The following CNTN4 variants were observed in gnomAD, a reference collection of about 807,000 sequenced individuals.
The protein encoded by CNTN4 is contactin 4.
In CNTN4, 77 loss-of-function variants were observed where a neutral mutation model predicts 122.5. The observed-to-expected ratio is 0.63, with a 90% CI of 0.52 to 0.76. CNTN4 has a LOEUF of 0.76. CNTN4 is among the 30% of genes least tolerant of loss of function. CNTN4 has a pLI of 0.00. For missense variants in CNTN4, 1,256 were observed against 1,259.1 expected, an observed-to-expected ratio of 1.00 and a Z score of 0.04; for synonymous variants, 512 against 447.0, an observed-to-expected ratio of 1.15 and a Z score of -1.83.
chr3:2,434,031 A>T (rs1486968067), intron 3 of CNTN4, among the ~76,000 whole-genome samples: 1 of 152,144 alleles, frequency 6.6e-6, no homozygotes, highest in African/African-American at 2.4e-5. Flanking sequence ...GGAAATGTTG[A>T]TCAAAGGGTG....
At chr3:2,530,097 C>T (rs977992587) in intron 3 of CNTN4, among the ~76,000 whole-genome samples, 1 of 152,114 alleles carries the variant, frequency 6.6e-6, no homozygotes, top group Admixed American at 6.6e-5. Flanking sequence ...TATAGATTTT[C>T]AGAAATCTTG....
At chr3:2,315,457 G>T (rs984419529) in intron 2 of CNTN4, among the ~76,000 whole-genome samples, 2 of 151,936 alleles carry the variant, frequency 1.3e-5, no homozygotes, top group East Asian at 1.9e-4. Context: ...ATCCAGCTTG[G>T]TTATTAATAA....
chr3:2,278,362 C>A (rs530372187), intron 2 of CNTN4, among the ~76,000 whole-genome samples: 3 of 152,186 alleles, frequency 2.0e-5, no homozygotes, highest in African/African-American at 7.2e-5. Flanking sequence ...TGAACCTCAG[C>A]ACATTAGCTG....
chr3:3,054,567 A>G, intron 24 of CNTN4, among the ~76,000 whole-genome samples: 1 of 152,208 alleles, frequency 6.6e-6, no homozygotes, highest in East Asian at 1.9e-4. Context: ...TACAAATACC[A>G]TGTTTGTAAG....
intron 13 of CNTN4, among the ~76,000 whole-genome samples, chr3:2,951,086 A>G (rs983623454): frequency 2.0e-5 from 3 of 152,186 alleles, no homozygotes; most frequent in Non-Finnish European, 2.9e-5. Flanking sequence ...GGGTTATATG[A>G]GGTAACCCAC....
intron 4 of CNTN4, among the ~76,000 whole-genome samples, chr3:2,717,967 G>A (rs2087602480): frequency 6.6e-6 from 1 of 151,968 alleles, no homozygotes; most frequent in Non-Finnish European, 1.5e-5. Flanking sequence ...ATCTCTGTTT[G>A]GAGAAGTGTT....
At chr3:2,422,222 T>C (rs888952237) in intron 3 of CNTN4, among the ~76,000 whole-genome samples, 4 of 152,218 alleles carry the variant, frequency 2.6e-5, no homozygotes, top group African/African-American at 9.6e-5. Context: ...TGTTATCCCC[T>C]GCTCCTTAAC....
intron 6 of CNTN4, among the ~76,000 whole-genome samples, chr3:2,812,175 C>T (rs554517074): frequency 6.6e-6 from 1 of 152,232 alleles, no homozygotes; most frequent in East Asian, 1.9e-4. Flanking sequence ...CTAATGGGTA[C>T]TAGGCTTAAT....
chr3:2,624,627 CTTTTTTTTTTTT>C (rs1175851279), intron 4 of CNTN4, among the ~76,000 whole-genome samples: 1 of 89,940 alleles, frequency 1.1e-5, no homozygotes, highest in African/African-American at 4.3e-5. Context: ...ATTTCTGATT[CTTTTTTTTTTTT>C]TTTTTTTTTC....
At chr3:2,193,110 C>G (rs191874111) in intron 2 of CNTN4, among the ~76,000 whole-genome samples, 1 of 152,218 alleles carries the variant, frequency 6.6e-6, no homozygotes, top group Admixed American at 6.5e-5. Flanking sequence ...CTTTCTTTGC[C>G]CATATTCTCC....
At chr3:2,418,728 A>G (rs1162438911) in intron 3 of CNTN4, among the ~76,000 whole-genome samples, 3 of 152,232 alleles carry the variant, frequency 2.0e-5, no homozygotes, top group Non-Finnish European at 4.4e-5. Context: ...AAGGTGTTAT[A>G]TTAAGAAAAA....
intron 4 of CNTN4, among the ~76,000 whole-genome samples, chr3:2,589,868 A>C (rs564909010): frequency 6.6e-6 from 1 of 152,308 alleles, no homozygotes; most frequent in East Asian, 1.9e-4. Flanking sequence ...GGCTTCCCTC[A>C]GCAGATGATC....
At chr3:2,197,040 G>A (rs116883898) in intron 2 of CNTN4, among the ~76,000 whole-genome samples, 1 of 137,368 alleles carries the variant, frequency 7.3e-6, no homozygotes, top group East Asian at 2.2e-4. Context: ...AGCGAAACTC[G>A]GTCTCACCAG....
intron 4 of CNTN4, among the ~76,000 whole-genome samples, chr3:2,639,925 C>T (rs1411361515): frequency 4.6e-5 from 7 of 152,200 alleles, no homozygotes; most frequent in Non-Finnish European, 1.0e-4. Context: ...CTTCCACCCC[C>T]TTTCCCCGTG....
chr3:2,206,022 G>A (rs77741587), intron 2 of CNTN4, among the ~76,000 whole-genome samples: 3,313 of 152,122 alleles, frequency 0.022, 41 homozygotes, highest in Middle Eastern at 0.051. Context: ...TTTCTTTGTA[G>A]GCAGTTATTT....
intron 2 of CNTN4, among the ~76,000 whole-genome samples, chr3:2,236,946 C>T (rs1456250929): frequency 6.6e-6 from 1 of 152,098 alleles, no homozygotes; most frequent in Non-Finnish European, 1.5e-5. Context: ...GAACATGGCA[C>T]ATTTTAAGAA....
At chr3:2,736,422 A>G in intron 5 of CNTN4, 81 bp downstream of exon 5, 1 of 952,174 alleles carries the variant, frequency 1.1e-6, no homozygotes, top group Non-Finnish European at 1.5e-6. Flanking sequence ...AATGCTGGTT[A>G]CATAAAGAGC....
intron 2 of CNTN4, among the ~76,000 whole-genome samples, chr3:2,307,105 C>T (rs1409143411): frequency 2.0e-5 from 3 of 151,876 alleles, no homozygotes; most frequent in South Asian, 2.1e-4. Context: ...TTTTATTTTT[C>T]CTAATTGTCC....
chr3:2,234,753 A>G (rs905697744), intron 2 of CNTN4, among the ~76,000 whole-genome samples: 14 of 152,220 alleles, frequency 9.2e-5, no homozygotes, highest in African/African-American at 3.4e-4. Flanking sequence ...ATCGTCACAA[A>G]GAGCATATTT....
Sources: allele counts gnomAD v4.1 joint callset (sites outside exome capture counted in the v4.1 genomes callset), GRCh38; gene constraint gnomAD v4.1.1; transcripts MANE v1.5; gene names NCBI Gene and HGNC (gene_info 2026-07-23, HGNC 2026-07-21).